SYN3: variants seen among roughly 807,000 people sequenced by gnomAD.
SYN3 encodes synapsin-3.
A neutral mutation model predicts 65.8 loss-of-function variants in SYN3; 35 were observed. The observed-to-expected ratio is 0.53, with a 90% CI of 0.41 to 0.70. SYN3 has a LOEUF of 0.70. SYN3 is among the 30% of genes least tolerant of loss of function. SYN3 has a pLI of 0.00. For synonymous variants in SYN3, 270 were observed against 292.9 expected, an observed-to-expected ratio of 0.92 and a Z score of 0.80; for missense variants, 680 against 749.0, an observed-to-expected ratio of 0.91 and a Z score of 1.08.
intron 6 of SYN3, among the ~76,000 whole-genome samples, chr22:32,704,910 G>T (rs922334316): frequency 3.9e-5 from 6 of 152,014 alleles, no homozygotes; most frequent in African/African-American, 1.4e-4. Context: ...TGGGTTGTCT[G>T]TTTTTCTTGC....
chr22:32,781,369 T>C (rs951781710), intron 6 of SYN3, among the ~76,000 whole-genome samples: 1 of 152,152 alleles, frequency 6.6e-6, no homozygotes, highest in Non-Finnish European at 1.5e-5. Flanking sequence ...GAATAGATGA[T>C]GGTGGTTAAG....
At chr22:32,534,499 C>A (rs1051562774) in intron 9 of SYN3, among the ~76,000 whole-genome samples, 2 of 152,188 alleles carry the variant, frequency 1.3e-5, no homozygotes, top group African/African-American at 4.8e-5. Flanking sequence ...GCCCTCTAGA[C>A]CCACTGCTTT....
intron 6 of SYN3, among the ~76,000 whole-genome samples, chr22:32,619,771 G>A (rs991399420): frequency 9.9e-5 from 15 of 152,198 alleles, no homozygotes; most frequent in African/African-American, 3.6e-4. Context: ...AGGCAGTGCA[G>A]CAGAAGTGTC....
At chr22:32,972,936 G>T (rs148445983) in intron 3 of SYN3, among the ~76,000 whole-genome samples, 108 of 152,270 alleles carry the variant, frequency 7.1e-4, no homozygotes, top group African/African-American at 2.5e-3. Context: ...TTGAGCCCAG[G>T]AGTTTGAGGC....
chr22:32,917,683 T>C (rs1601691641), intron 4 of SYN3, among the ~76,000 whole-genome samples: 1 of 152,276 alleles, frequency 6.6e-6, no homozygotes, highest in Non-Finnish European at 1.5e-5. Context: ...GTCTTTCCCA[T>C]CCCCAGTTTC....
chr22:32,785,474 G>C (rs1442033361), intron 6 of SYN3, among the ~76,000 whole-genome samples: 1 of 152,116 alleles, frequency 6.6e-6, no homozygotes, highest in Non-Finnish European at 1.5e-5. Flanking sequence ...GGGGGCTGAT[G>C]GAATAACACA....
intron 3 of SYN3, among the ~76,000 whole-genome samples, chr22:32,978,536 G>A (rs939820664): frequency 6.6e-6 from 1 of 151,992 alleles, no homozygotes; most frequent in Non-Finnish European, 1.5e-5. Context: ...CGCTCTTCAC[G>A]CCACCATCTC....
chr22:32,815,393 T>C (rs1459719662), intron 6 of SYN3, among the ~76,000 whole-genome samples: 1 of 152,206 alleles, frequency 6.6e-6, no homozygotes, highest in Non-Finnish European at 1.5e-5. Flanking sequence ...GTTTAAGAGA[T>C]AGAGATGGAA....
At chr22:32,858,529 A>C (rs1157057663) in intron 6 of SYN3, among the ~76,000 whole-genome samples, 1 of 152,130 alleles carries the variant, frequency 6.6e-6, no homozygotes, top group Non-Finnish European at 1.5e-5. Context: ...ACCCCACCCC[A>C]GGTAGGCAAA....
chr22:33,031,000 G>A (rs531237412), intron 1 of SYN3, among the ~76,000 whole-genome samples: 1 of 152,270 alleles, frequency 6.6e-6, no homozygotes, highest in South Asian at 2.1e-4. Flanking sequence ...GAGACATAGA[G>A]AAACAGATAG....
chr22:32,900,709 T>C (rs1365690287), intron 4 of SYN3, among the ~76,000 whole-genome samples: 1 of 152,262 alleles, frequency 6.6e-6, no homozygotes, highest in Non-Finnish European at 1.5e-5. Flanking sequence ...CCTGGCAGAC[T>C]GCCTGTATTT....
At chr22:32,793,768 G>C (rs915487101) in intron 6 of SYN3, among the ~76,000 whole-genome samples, 3 of 152,206 alleles carry the variant, frequency 2.0e-5, no homozygotes, top group Non-Finnish European at 4.4e-5. Flanking sequence ...CCAGAACTTG[G>C]AAACAAGGTC....
At chr22:32,998,150 T>G (rs552711454) in intron 2 of SYN3, among the ~76,000 whole-genome samples, 48 of 152,248 alleles carry the variant, frequency 3.2e-4, no homozygotes, top group Non-Finnish European at 6.3e-4. Context: ...AGGCATTTCC[T>G]ACGTACCTAT....
intron 6 of SYN3, among the ~76,000 whole-genome samples, chr22:32,822,092 T>C (rs182581072): frequency 2.8e-3 from 425 of 150,454 alleles, no homozygotes; most frequent in African/African-American, 9.5e-3. Context: ...GAGGCAGAGG[T>C]TGCAATGAGC....
chr22:32,985,094 C>T (rs2052484679), intron 2 of SYN3, among the ~76,000 whole-genome samples: 1 of 152,188 alleles, frequency 6.6e-6, no homozygotes, highest in Non-Finnish European at 1.5e-5. Context: ...CTTGGGTAAG[C>T]CAACCTCTGA....
chr22:32,549,711 C>T (rs146247687), intron 7 of SYN3, among the ~76,000 whole-genome samples: 2 of 152,228 alleles, frequency 1.3e-5, no homozygotes, highest in African/African-American at 4.8e-5. Context: ...CCAGCCTGGC[C>T]AGCATAGTGA....
intron 1 of SYN3, among the ~76,000 whole-genome samples, chr22:33,013,557 GA>G (rs1354853030): frequency 7.2e-5 from 11 of 151,858 alleles, no homozygotes; most frequent in South Asian, 4.2e-4. Context: ...ATTTTCTGTG[GA>G]AAAAAAATTT....
intron 4 of SYN3, among the ~76,000 whole-genome samples, chr22:32,885,406 G>A (rs948241764): frequency 3.9e-5 from 6 of 152,064 alleles, no homozygotes; most frequent in African/African-American, 1.2e-4. Flanking sequence ...GTTCCTTCAC[G>A]TTATCAGTGA....
intron 6 of SYN3, among the ~76,000 whole-genome samples, chr22:32,615,938 G>T (rs1178021050): frequency 5.3e-5 from 8 of 152,246 alleles, no homozygotes; most frequent in Non-Finnish European, 1.2e-4. Flanking sequence ...ACTTCTGTGA[G>T]TGAACGTGTG....
Sources: allele counts gnomAD v4.1 joint callset (sites outside exome capture counted in the v4.1 genomes callset), GRCh38; gene constraint gnomAD v4.1.1; transcripts MANE v1.5; gene names NCBI Gene and HGNC (gene_info 2026-07-23, HGNC 2026-07-21).